The following SLC30A8 variants were observed in gnomAD, a reference collection of about 807,000 sequenced individuals.
The protein encoded by SLC30A8 is proton-coupled zinc antiporter SLC30A8.
SLC30A8 carries 27 observed loss-of-function variants against 36.9 expected under a neutral mutation model. That is an observed-to-expected ratio of 0.73 (90% CI 0.54 to 1.01). The LOEUF is 1.01. Ranked by LOEUF, SLC30A8 falls within the 50% of genes least tolerant of loss-of-function variation. SLC30A8 has a pLI of 0.00. For synonymous variants in SLC30A8, 164 were observed against 172.4 expected, an observed-to-expected ratio of 0.95 and a Z score of 0.38; for missense variants, 439 against 452.0, an observed-to-expected ratio of 0.97 and a Z score of 0.26.
At chr8:117,168,950 A>G (rs1037341261) in intron 6 of SLC30A8, among the ~76,000 whole-genome samples, 9 of 152,188 alleles carry the variant, frequency 5.9e-5, no homozygotes, top group African/African-American at 2.2e-4. Flanking sequence ...CTTAATAACT[A>G]GCTTCTAAAG....
At chr8:117,005,033 A>G (rs7841170) in intron 1 of SLC30A8, among the ~76,000 whole-genome samples, 3,708 of 152,282 alleles carry the variant, frequency 0.024, 164 homozygotes, top group African/African-American at 0.085. Flanking sequence ...TGACTTATTT[A>G]AAATGGGCAA....
At chr8:117,085,320 T>C (rs1818832365) in intron 2 of SLC30A8, among the ~76,000 whole-genome samples, 1 of 152,174 alleles carries the variant, frequency 6.6e-6, no homozygotes, top group South Asian at 2.1e-4. Flanking sequence ...CTCAGTCTCT[T>C]TGACCTCCTG....
intron 1 of SLC30A8, among the ~76,000 whole-genome samples, chr8:117,018,816 C>T (rs547757540): frequency 1.9e-4 from 29 of 152,126 alleles, no homozygotes; most frequent in African/African-American, 2.7e-4. Context: ...CCTGCCACCA[C>T]GCCTAGCTAA....
chr8:117,045,918 G>GTT (rs112616300), intron 2 of SLC30A8, among the ~76,000 whole-genome samples: 4 of 140,658 alleles, frequency 2.8e-5, no homozygotes, highest in African/African-American at 5.2e-5. Context: ...TGGGCAGACT[G>GTT]TTTTTTTTTT....
At chr8:116,968,094 C>T (rs1156953724) in intron 1 of SLC30A8, among the ~76,000 whole-genome samples, 2 of 152,096 alleles carry the variant, frequency 1.3e-5, no homozygotes, top group Non-Finnish European at 2.9e-5. Context: ...CTCAGATTTA[C>T]ACAAGTTACC....
rs751920415 is a variant in SLC30A8, at chr8:117,161,884, T to C, written c.719T>C (p.Phe240Ser). Reference protein sequence around the residue: ...SVLISALIIYFKPEYKIADPI... With the variant: ...SVLISALIIYSKPEYKIADPI... ...CTAATTAGTGCACTTATTATCTACT[T>C]TAAGGTGAGTTTGAGTTTACCCACC... is the stretch of plus-strand genomic sequence containing the variant. Residue 240 changes from phenylalanine to serine, a missense_variant, in exon 5 of 8, where the codon TTT becomes TCT. Coordinates refer to ENST00000456015, the MANE Select transcript of SLC30A8 (RefSeq NM_173851.3). 14 of 1,611,338 alleles carry C rather than the reference T, an allele frequency of 8.7e-6. No homozygotes were observed. In the Middle Eastern group the frequency reaches 8.3e-4, roughly 95 times the overall value.
intron 1 of SLC30A8, among the ~76,000 whole-genome samples, chr8:117,010,680 A>G (rs1462076547): frequency 6.6e-6 from 1 of 152,192 alleles, no homozygotes; most frequent in Non-Finnish European, 1.5e-5. Context: ...TACAAAGAAA[A>G]GAGGGTTCAT....
rs1388460770 is a variant in SLC30A8 at position 117,171,160 on chromosome 8, T to G, written c.956T>G (p.Val319Gly). 1.2e-6 allele frequency: 2 copies of G among 1,613,420 alleles called. No individual in the cohort carries two copies. The highest frequency in any genetic ancestry group is 1.7e-6 in the Non-Finnish European group (2 of 1,179,608). ...TMNQVILSAH[V>G]ATAASRDSQV... ...AATCAAGTAATTCTCTCAGCTCATGTTGCTACAGGTCAGTGAGTTTTGTAA... is the reference window on the plus strand; with the variant it reads ...AATCAAGTAATTCTCTCAGCTCATGGTGCTACAGGTCAGTGAGTTTTGTAA... The change falls in exon 7 of 8, where the codon GTT (valine) becomes GGT (glycine). Residue 319 changes from valine (V) to glycine (G), a missense_variant. Coordinates refer to ENST00000456015, the MANE Select transcript of SLC30A8 (RefSeq NM_173851.3).
rs1586611141 is a variant in SLC30A8, at chr8:117,163,588, A to G, written c.829+58A>G. On this transcript the variant is annotated intron_variant, in intron 6 of 7. Transcript: ENST00000456015. ...AGTGTTTTCTCTTCCCTAGAATCAC[A>G]AAAGGGAATGGCTACAAGGCATGCT... The G allele has an allele frequency of 6.2e-6, 8 of 1,284,768 alleles. No homozygotes were observed. In the South Asian group the frequency reaches 8.0e-5, roughly 13 times the overall value. The allele number at this position is 1,284,768 out of a possible 1,614,324, so 79.6% of individuals were successfully genotyped here.
chr8:116,966,769 G>A (rs1265194484), intron 1 of SLC30A8, among the ~76,000 whole-genome samples: 1 of 152,048 alleles, frequency 6.6e-6, no homozygotes. Context: ...AAATTACCAG[G>A]GAAATAAGAG....
upstream of SLC30A8, among the ~76,000 whole-genome samples, chr8:117,130,868 A>T (rs1821107022): frequency 6.6e-6 from 1 of 151,978 alleles, no homozygotes; most frequent in South Asian, 2.1e-4. Flanking sequence ...GAAGAAATAT[A>T]CACTTCATAA....
intron 2 of SLC30A8, among the ~76,000 whole-genome samples, chr8:117,109,399 A>G (rs114535775): frequency 3.3e-5 from 5 of 152,314 alleles, no homozygotes; most frequent in African/African-American, 1.2e-4. Flanking sequence ...AGTGGCTTGA[A>G]TATGAAAGGG....
chr8:117,064,579 C>CACAG (rs1818111687), intron 2 of SLC30A8, among the ~76,000 whole-genome samples: 1 of 152,184 alleles, frequency 6.6e-6, no homozygotes, highest in South Asian at 2.1e-4. Flanking sequence ...TAGGAGTGAT[C>CACAG]ACAGGTTACT....
Position 117,135,275 on chromosome 8 carries a change from G to C in SLC30A8, c.-53G>C, listed in dbSNP as rs1465045879. 1 of 1,373,464 alleles carries C rather than the reference G, an allele frequency of 7.3e-7. No individual in the cohort carries two copies. Among genetic ancestry groups the C allele is most frequent in the Non-Finnish European group, 1.0e-6 (1 of 986,820 alleles). The allele number at this position is 1,373,464 out of a possible 1,614,324, so 85.1% of individuals were successfully genotyped here. Reference sequence around the variant, plus strand: ...CAGTGCTGCTTTGCTTCCAAAACTGGGCAGTGAGTTCAACAACAACGACAA... The same window carrying C: ...CAGTGCTGCTTTGCTTCCAAAACTGCGCAGTGAGTTCAACAACAACGACAA... On this transcript the variant is annotated 5_prime_UTR_variant, in exon 1 of 8. Transcript: ENST00000456015.
At chr8:117,039,611 G>T (rs893081602) in intron 2 of SLC30A8, among the ~76,000 whole-genome samples, 4 of 152,174 alleles carry the variant, frequency 2.6e-5, no homozygotes, top group African/African-American at 9.7e-5. Flanking sequence ...CTGAGCTTTA[G>T]TCTCTTCAAG....
chr8:117,131,105 G>A (rs955769269), upstream of SLC30A8, among the ~76,000 whole-genome samples: 1 of 151,744 alleles, frequency 6.6e-6, no homozygotes, highest in African/African-American at 2.4e-5. Flanking sequence ...AAAATTACAT[G>A]GTCCTAATTT....
chr8:117,111,384 C>T (rs1820219800), intron 2 of SLC30A8, among the ~76,000 whole-genome samples: 1 of 152,070 alleles, frequency 6.6e-6, no homozygotes, highest in South Asian at 2.1e-4. Context: ...AGCAGTAGAC[C>T]ACTCTTATTT....
In SLC30A8 at chr8:117,176,673, A is replaced by ATGTT. The variant is rs890099862; in HGVS notation, c.*3993_*3996dup. On this transcript the variant is annotated 3_prime_UTR_variant, in exon 8 of 8. Coordinates refer to ENST00000456015, the MANE Select transcript of SLC30A8 (RefSeq NM_173851.3). ...GCACCTGTTTAAATTCTATTTTAAA[A>ATGTT]TGTTAATGTGTGTTGTTTAAAATAA... is the stretch of plus-strand genomic sequence containing the variant. 4 of 152,652 alleles carry ATGTT rather than the reference A, an allele frequency of 2.6e-5. No homozygotes were observed. The highest frequency in any genetic ancestry group is 7.2e-5 in the African/African-American group (3 of 41,564). 9.5% of individuals were successfully genotyped at this position (152,652 alleles called of 1,614,324 possible).
chr8:117,149,277 C>G lies in SLC30A8; in HGVS notation c.271+2124C>G, dbSNP rs574585869. Among the ~76,000 whole-genome samples, 3 of 152,090 alleles carry G rather than the reference C, an allele frequency of 2.0e-5. No homozygotes were observed. In the East Asian group the frequency reaches 5.8e-4, roughly 29 times the overall value. The stretch of plus-strand genomic sequence containing the variant: ...CTTTGTTTTTTAAAGCTTTTTGATT[C>G]TTGTTTGAGGTGTGTTATGTTAAGA... On this transcript the variant is annotated intron_variant, in intron 2 of 7. Transcript: ENST00000456015.
Sources: allele counts gnomAD v4.1 joint callset (sites outside exome capture counted in the v4.1 genomes callset), GRCh38; gene constraint gnomAD v4.1.1; transcripts MANE v1.5; gene names NCBI Gene and HGNC (gene_info 2026-07-23, HGNC 2026-07-21).